ZNRF2: variants seen among roughly 807,000 people sequenced by gnomAD.
ZNRF2 encodes the protein E3 ubiquitin-protein ligase ZNRF2.
In ZNRF2, 16 loss-of-function variants were observed where a neutral mutation model predicts 20.4. The observed-to-expected ratio is 0.79, with a 90% CI of 0.53 to 1.19. The LOEUF (loss-of-function observed/expected upper bound fraction) is 1.19. Ranked by LOEUF, ZNRF2 falls within the 50% of genes most tolerant of loss-of-function variation. ZNRF2 has a pLI of 0.00. For synonymous variants in ZNRF2, 178 were observed against 144.9 expected (o/e 1.23, Z -1.64); for missense variants, 363 against 332.4 (o/e 1.09, Z -0.72).
chr7:30,284,987 C>T lies in ZNRF2; in HGVS notation c.-371C>T. ...GAGGCGGTGCCGAGATCGGGGGCGC[C>T]GAGCGCGGCAGCAGAGAGCGGTAGC... On this transcript the variant is annotated 5_prime_UTR_variant, in exon 1 of 5. Transcript: ENST00000323037. The T allele has an allele frequency of 2.9e-6, 1 of 343,272 alleles. No homozygotes were observed. The highest frequency in any genetic ancestry group is 5.8e-6 in the Non-Finnish European group (1 of 172,174). The allele number at this position is 343,272 out of a possible 1,614,324, so 21.3% of individuals were successfully genotyped here. A position where few individuals can be genotyped will look rare whatever the true frequency, so the allele number is the denominator to read the frequency against.
chr7:30,319,833 G>A (rs1799439218), intron 1 of ZNRF2, among the ~76,000 whole-genome samples: 1 of 152,086 alleles, frequency 6.6e-6, no homozygotes, highest in Admixed American at 6.5e-5. Flanking sequence ...CTCTACTGTT[G>A]ACTCTCTTCA....
intron 1 of ZNRF2, among the ~76,000 whole-genome samples, chr7:30,293,331 C>T (rs796846428): frequency 7.2e-5 from 11 of 151,752 alleles, no homozygotes; most frequent in African/African-American, 2.7e-4. Context: ...TCACTGCAAC[C>T]TCTGCCTCCC....
At chr7:30,288,514 A>T (rs1236403113) in intron 1 of ZNRF2, among the ~76,000 whole-genome samples, 2 of 152,216 alleles carry the variant, frequency 1.3e-5, no homozygotes, top group East Asian at 3.8e-4. Context: ...TAGTTCTCTC[A>T]TAATGAATTG....
chr7:30,328,822 C>T (rs1054469350), intron 2 of ZNRF2, among the ~76,000 whole-genome samples: 3 of 152,146 alleles, frequency 2.0e-5, no homozygotes, highest in Non-Finnish European at 4.4e-5. Flanking sequence ...ACGCCCAAGG[C>T]TGTCAGGGCA....
At position 30,285,578 on chromosome 7, in the gene ZNRF2, C is replaced by T. The variant is rs1372172775; in HGVS notation, c.221C>T (p.Ala74Val). ...GAAAAAAAPA[A>V]PAAPRSRSLG... is the part of the protein sequence containing the mutation. ...GCGGCGGCCGCGGCGGCCCCGGCAG[C>T]CCCGGCGGCCCCGCGCAGCCGCTCC... Residue 74 changes from alanine to valine, a missense_variant, in exon 1 of 5, where the codon GCC becomes GTC. Physicochemically the swap from Ala to Val is moderately conservative, Grantham distance 64. Transcript: ENST00000323037. The T allele has an allele frequency of 4.9e-6, 5 of 1,011,340 alleles. No individual in the cohort carries two copies. Among genetic ancestry groups the T allele is most frequent in the Non-Finnish European group, 4.7e-6 (4 of 848,438 alleles). The allele number at this position is 1,011,340 out of a possible 1,614,324, so 62.6% of individuals were successfully genotyped here. A position where few individuals can be genotyped will look rare whatever the true frequency, so the allele number is the denominator to read the frequency against.
At chr7:30,355,973 T>C (rs1800030151) in intron 3 of ZNRF2, 140 bp downstream of exon 3, 2 of 577,180 alleles carry the variant, frequency 3.5e-6, no homozygotes, top group East Asian at 5.9e-5. Flanking sequence ...TGATCTTTTT[T>C]CTCTATTTGA....
At chr7:30,295,050 A>AGAGAGTGTGTGT (rs1412764480) in intron 1 of ZNRF2, among the ~76,000 whole-genome samples, 25 of 38,284 alleles carry the variant, frequency 6.5e-4, no homozygotes, top group African/African-American at 1.1e-3. Flanking sequence ...AGAGAGAGAG[A>AGAGAGTGTGTGT]GTGTGTGTGT....
chr7:30,326,311 CA>C, intron 2 of ZNRF2, among the ~76,000 whole-genome samples: 1 of 152,206 alleles, frequency 6.6e-6, no homozygotes, highest in South Asian at 2.1e-4. Flanking sequence ...TGGTAGGCTC[CA>C]ATGTGTATTG....
chr7:30,298,142 T>C (rs988559739), intron 1 of ZNRF2, among the ~76,000 whole-genome samples: 2 of 152,224 alleles, frequency 1.3e-5, no homozygotes, highest in Non-Finnish European at 2.9e-5. Context: ...AAAATAGTTT[T>C]TTTTCATATA....
intron 1 of ZNRF2, among the ~76,000 whole-genome samples, chr7:30,311,798 C>T (rs910996194): frequency 1.6e-4 from 24 of 152,068 alleles, no homozygotes; most frequent in African/African-American, 2.9e-4. Flanking sequence ...AAACAGTAGT[C>T]GGCAAAATTT....
At chr7:30,335,892 A>AG (rs145054230) in intron 2 of ZNRF2, among the ~76,000 whole-genome samples, 1,688 of 152,118 alleles carry the variant, frequency 0.011, 29 homozygotes, top group African/African-American at 0.038. Flanking sequence ...ATGTGTTGGA[A>AG]GGGGGGAAAG....
At chr7:30,358,611 C>G (rs1380364086) in intron 3 of ZNRF2, among the ~76,000 whole-genome samples, 1 of 152,204 alleles carries the variant, frequency 6.6e-6, no homozygotes, top group Non-Finnish European at 1.5e-5. Context: ...AGTTAAGACA[C>G]TCATGAAGAA....
intron 3 of ZNRF2, among the ~76,000 whole-genome samples, chr7:30,361,588 ATGGTAC>A (rs1562623583): frequency 6.6e-6 from 1 of 152,184 alleles, no homozygotes; most frequent in African/African-American, 2.4e-5. Context: ...TTCACCTATC[ATGGTAC>A]TGTGAAATAG....
chr7:30,361,269 A>T (rs571866816), intron 3 of ZNRF2, among the ~76,000 whole-genome samples: 2 of 152,380 alleles, frequency 1.3e-5, no homozygotes, highest in South Asian at 4.1e-4. Context: ...CAAACTGGCT[A>T]TATATTTCGA....
At chr7:30,306,068 T>A (rs1583572529) in intron 1 of ZNRF2, among the ~76,000 whole-genome samples, 2 of 152,262 alleles carry the variant, frequency 1.3e-5, no homozygotes, top group South Asian at 4.1e-4. Context: ...GTAATAATAA[T>A]AATAGTAGCT....
intron 1 of ZNRF2, among the ~76,000 whole-genome samples, chr7:30,314,922 T>C (rs556438392): frequency 2.0e-5 from 3 of 152,074 alleles, no homozygotes; most frequent in African/African-American, 7.2e-5. Flanking sequence ...GTTCACACCA[T>C]TCTCCTGCCT....
At chr7:30,305,773 A>G (rs1367792447) in intron 1 of ZNRF2, among the ~76,000 whole-genome samples, 1 of 152,080 alleles carries the variant, frequency 6.6e-6, no homozygotes, top group Non-Finnish European at 1.5e-5. Flanking sequence ...AAAGTGTCAT[A>G]TTTCCTACTT....
chr7:30,327,943 A>C (rs1265088611), intron 2 of ZNRF2, among the ~76,000 whole-genome samples: 1 of 152,194 alleles, frequency 6.6e-6, no homozygotes, highest in Non-Finnish European at 1.5e-5. Context: ...AGAAGCAAAT[A>C]CAGCTTCTTA....
intron 1 of ZNRF2, among the ~76,000 whole-genome samples, chr7:30,288,384 G>A (rs1798835352): frequency 6.6e-6 from 1 of 152,184 alleles, no homozygotes; most frequent in Admixed American, 6.5e-5. Flanking sequence ...ATAAGAAAAT[G>A]TGGTACTAAT....
Sources: allele counts gnomAD v4.1 joint callset (sites outside exome capture counted in the v4.1 genomes callset), GRCh38; gene constraint gnomAD v4.1.1; transcripts MANE v1.5; gene names NCBI Gene and HGNC (gene_info 2026-07-23, HGNC 2026-07-21).